The following PCDHGA2 variants were observed in gnomAD, a reference collection of about 807,000 sequenced individuals.
The protein encoded by PCDHGA2 is protocadherin gamma subfamily A, 2, also known as protocadherin gamma-A2.
Under a neutral mutation model 59.2 loss-of-function variants are expected in PCDHGA2, and 40 were observed. The observed-to-expected ratio is 0.68, with a 90% CI of 0.52 to 0.88. PCDHGA2 has a LOEUF of 0.88. Ranked by LOEUF, PCDHGA2 falls within the 40% of genes least tolerant of loss-of-function variation. PCDHGA2 has a pLI of 0.00. For missense variants in PCDHGA2, 1,226 were observed against 1,204.0 expected, an observed-to-expected ratio of 1.02 and a Z score of -0.27; for synonymous variants, 560 against 526.0, an observed-to-expected ratio of 1.06 and a Z score of -0.89.
intron 1 of PCDHGA2, chr5:141,355,180 C>A (rs1383852861): frequency 1.3e-6 from 2 of 1,582,206 alleles, no homozygotes; most frequent in Middle Eastern, 4.6e-4. Context: ...GAAGCACAGG[C>A]GACTCCGCGG....
At position 141,505,499 on chromosome 5, in the gene PCDHGA2, G is replaced by A. The variant is rs753203943; in HGVS notation, c.2572+18G>A. ...CGCCAGTGGTAAGTGGTGTCAGTGT[G>A]TGTATGGAAGAGTGGGAGACCTGGG... is the stretch of plus-strand genomic sequence containing the variant. On this transcript the variant is annotated intron_variant, in intron 3 of 3. Transcript: ENST00000394576. 6.2e-7 allele frequency: 1 copy of A among 1,614,172 alleles called. No homozygotes were observed. The highest frequency in any genetic ancestry group is 8.5e-7 in the Non-Finnish European group (1 of 1,179,982).
intron 1 of PCDHGA2, chr5:141,356,118 T>C: frequency 6.2e-7 from 1 of 1,613,582 alleles, no homozygotes; most frequent in Non-Finnish European, 8.5e-7. Flanking sequence ...TATTGGGGGG[T>C]CTAGATTATG....
At chr5:141,395,186 G>C in intron 1 of PCDHGA2, 1 of 1,614,086 alleles carries the variant, frequency 6.2e-7, no homozygotes, top group Non-Finnish European at 8.5e-7. Context: ...ATGATTCTTT[G>C]TTAACATCCG....
At chr5:141,421,934 T>C (rs1478005202) in intron 1 of PCDHGA2, 1 of 1,613,548 alleles carries the variant, frequency 6.2e-7, no homozygotes, top group Admixed American at 1.7e-5. Context: ...GTCCTCGATG[T>C]AAATGATCAC....
At chr5:141,354,777 A>G (rs1293865726) in intron 1 of PCDHGA2, among the ~76,000 whole-genome samples, 1 of 152,250 alleles carries the variant, frequency 6.6e-6, no homozygotes, top group African/African-American at 2.4e-5. Context: ...AAAAATCGTC[A>G]TATTTTCTCT....
intron 1 of PCDHGA2, chr5:141,419,126 G>A: frequency 6.2e-7 from 1 of 1,613,770 alleles, no homozygotes; most frequent in Non-Finnish European, 8.5e-7. Context: ...CGTCACCATC[G>A]CAGCCACAGA....
intron 1 of PCDHGA2, chr5:141,370,269 G>T: frequency 1.3e-6 from 1 of 783,944 alleles, no homozygotes; most frequent in East Asian, 2.7e-5. Flanking sequence ...TCCTGCAGCG[G>T]AGACACCCAT....
intron 1 of PCDHGA2, among the ~76,000 whole-genome samples, chr5:141,483,557 G>A (rs141633312): frequency 4.5e-4 from 69 of 152,276 alleles, no homozygotes; most frequent in Admixed American, 1.9e-3. Context: ...GCCATTCACA[G>A]AGACAGTGAA....
rs144804989 is a variant in PCDHGA2 at position 141,489,791 on chromosome 5, C to T, written c.2425-5016C>T. 1.9e-6 allele frequency: 3 copies of T among 1,614,056 alleles called. No individual in the cohort carries two copies. Among genetic ancestry groups the T allele is most frequent in the Admixed American group, 1.7e-5 (1 of 60,010 alleles). Reference sequence around the variant, plus strand: ...AGCCACTTCTCTCTGAATGTGAAGACCCTAAAAGATGGGAAGCCATTCCCA... The same window carrying T: ...AGCCACTTCTCTCTGAATGTGAAGATCCTAAAAGATGGGAAGCCATTCCCA... On this transcript the variant is annotated intron_variant, in intron 1 of 3. Transcript: ENST00000394576. This position sits in a 1 kb window ranked among gnomAD's most constrained non-coding sequence, Gnocchi z 4.5.
chr5:141,384,807 T>C, intron 1 of PCDHGA2: 1 of 1,613,400 alleles, frequency 6.2e-7, no homozygotes, highest in Non-Finnish European at 8.5e-7. Context: ...TGGACAGAGA[T>C]GCCCTCAAGC....
intron 1 of PCDHGA2, among the ~76,000 whole-genome samples, chr5:141,473,298 A>G (rs1033516450): frequency 1.3e-5 from 2 of 152,244 alleles, no homozygotes; most frequent in Non-Finnish European, 2.9e-5. Context: ...AGTAGCATAA[A>G]GATTGCTATA....
chr5:141,481,901 G>A (rs1297925755), intron 1 of PCDHGA2, among the ~76,000 whole-genome samples: 2 of 125,298 alleles, frequency 1.6e-5, no homozygotes, highest in Non-Finnish European at 3.2e-5. Context: ...GTGAAAGAGC[G>A]AAACTCCATC....
At chr5:141,364,258 C>T (rs1763242096) in intron 1 of PCDHGA2, 2 of 1,497,150 alleles carry the variant, frequency 1.3e-6, no homozygotes, top group Non-Finnish European at 1.8e-6. Flanking sequence ...GAATATGTAC[C>T]CATCGGCTTT....
intron 1 of PCDHGA2, chr5:141,357,132 G>C (rs1369808514): frequency 6.2e-7 from 1 of 1,613,550 alleles, no homozygotes; most frequent in South Asian, 1.1e-5. Flanking sequence ...GGCTTGTAGT[G>C]GTCGTCCAGG....
Position 141,485,422 on chromosome 5 carries a change from C to G in PCDHGA2, c.2425-9385C>G, listed in dbSNP as rs775279056. 6.2e-7 allele frequency: 1 copy of G among 1,614,130 alleles called. No homozygotes were observed. Among genetic ancestry groups the G allele is most frequent in the East Asian group, 2.2e-5 (1 of 44,872 alleles). ...TCCGTGTGGATTTGGACAGCGGAGC[C>G]CTGCTCATCAAGAACCCAATCGACC... On this transcript the variant is annotated intron_variant, in intron 1 of 3. Transcript: ENST00000394576. The surrounding 1 kb of genome is among the most constrained non-coding windows in gnomAD (Gnocchi z 5.7).
intron 2 of PCDHGA2, among the ~76,000 whole-genome samples, chr5:141,504,422 T>G (rs1375202110): frequency 6.6e-6 from 1 of 152,078 alleles, no homozygotes; most frequent in Admixed American, 6.6e-5. Context: ...AGACAGGCAC[T>G]ACAACAGCTG....
chr5:141,511,485 C>T lies in PCDHGA2; in HGVS notation c.*312C>T, dbSNP rs1324849800. 1.8e-5 allele frequency: 8 copies of T among 453,300 alleles called. No individual in the cohort carries two copies. The highest frequency in any genetic ancestry group is 1.2e-4 in the African/African-American group (6 of 50,332). The allele number at this position is 453,300 out of a possible 1,614,324, so 28.1% of individuals were successfully genotyped here. A position where few individuals can be genotyped will look rare whatever the true frequency, so the allele number is the denominator to read the frequency against. On this transcript the variant is annotated 3_prime_UTR_variant, in exon 4 of 4. Coordinates refer to ENST00000394576, the MANE Select transcript of PCDHGA2 (RefSeq NM_018915.4). Reference sequence around the variant, plus strand: ...ACCCCGTTTAGTTACAGCTGAACTCCTCCATCTTCCAAATCAATCAGGCCC... The same window carrying T: ...ACCCCGTTTAGTTACAGCTGAACTCTTCCATCTTCCAAATCAATCAGGCCC...
chr5:141,478,146 T>C (rs1457995929), intron 1 of PCDHGA2: 1 of 1,613,978 alleles, frequency 6.2e-7, no homozygotes, highest in Non-Finnish European at 8.5e-7. Context: ...CGAGCCGAGT[T>C]CCCCTCTGGC....
At chr5:141,366,042 G>A (rs1221134506) in intron 1 of PCDHGA2, 5 of 1,614,242 alleles carry the variant, frequency 3.1e-6, no homozygotes, top group Non-Finnish European at 4.2e-6. Flanking sequence ...CCCACAGACG[G>A]TTCCACGGGC....
Sources: gnomAD v4.1 joint callset for allele counts (sites outside exome capture counted in the v4.1 genomes callset) on GRCh38, gnomAD v4.1.1 for gene constraint, Gnocchi (gnomAD v3.1) non-coding constraint, MANE v1.5 for transcripts, NCBI Gene and HGNC (gene_info 2026-07-23, HGNC 2026-07-21) for gene names.